NLGN4Y: variants seen among roughly 807,000 people sequenced by gnomAD.
The protein encoded by NLGN4Y is neuroligin-4, Y-linked.
A neutral mutation model predicts 8.4 loss-of-function variants in NLGN4Y; 4 were observed. The observed-to-expected ratio is 0.48, with a 90% CI of 0.23 to 1.09. The LOEUF is 1.09. Ranked by LOEUF, NLGN4Y falls within the 50% of genes least tolerant of loss-of-function variation. NLGN4Y has a pLI of 0.19. For missense variants in NLGN4Y, 90 were observed against 192.3 expected, an observed-to-expected ratio of 0.47 and a Z score of 3.15; for synonymous variants, 35 against 75.6, an observed-to-expected ratio of 0.46 and a Z score of 2.78.
chrY:14,646,684 A>G, intron 2 of NLGN4Y, among the ~76,000 whole-genome samples: 1 of 33,930 alleles, frequency 2.9e-5, no homozygotes, highest in South Asian at 6.6e-4. Flanking sequence ...GAGGTAGACT[A>G]TAGAAGTCTA....
chrY:14,600,258 A>ATGTGTG (rs2080422319), intron 1 of NLGN4Y, among the ~76,000 whole-genome samples: 1 of 31,400 alleles, frequency 3.2e-5, no homozygotes, highest in Admixed American at 3.1e-4. Context: ...ATATAGATAT[A>ATGTGTG]TGTGTGTGTG....
intron 1 of NLGN4Y, among the ~76,000 whole-genome samples, chrY:14,620,275 C>A: frequency 8.9e-5 from 3 of 33,653 alleles, no homozygotes; most frequent in Non-Finnish European, 2.2e-4. Flanking sequence ...AAAAAAGAAG[C>A]AACCAAACAC....
At chrY:14,792,426 T>C in intron 4 of NLGN4Y, among the ~76,000 whole-genome samples, 1 of 32,338 alleles carries the variant, frequency 3.1e-5, no homozygotes, top group Non-Finnish European at 7.5e-5. Flanking sequence ...TTTTATCTAA[T>C]GTCCTTTGTG....
intron 3 of NLGN4Y, among the ~76,000 whole-genome samples, chrY:14,721,167 G>A (rs950249683): frequency 2.4e-4 from 8 of 33,711 alleles, no homozygotes. Context: ...CTTGTTGTAT[G>A]TTTTATGAAA....
intron 1 of NLGN4Y, among the ~76,000 whole-genome samples, chrY:14,597,496 C>T: frequency 3.1e-5 from 1 of 32,771 alleles, no homozygotes; most frequent in South Asian, 7.2e-4. Context: ...ATGTTCTCCA[C>T]GTCCCCATCA....
In NLGN4Y at chrY:14,734,626, G is replaced by A. The variant is rs765669426; in HGVS notation, c.685+11357G>A. ...TACACATGTTTCCTGACTTTGGGGA[G>A]CTTCCTTGCTAACATGGGAAATAAA... On this transcript the variant is annotated intron_variant, in intron 4 of 6. Transcript: ENST00000684976. Among the ~76,000 whole-genome samples the A allele has an allele frequency of 1.0e-3, 34 of 33,511 alleles. No homozygotes were observed. In the South Asian group the frequency reaches 0.023, roughly 23 times the overall value. 89.9% of individuals were successfully genotyped at this position (33,511 alleles called of 37,273 possible).
chrY:14,630,020 T>C (rs2080543413), intron 2 of NLGN4Y, among the ~76,000 whole-genome samples: 1 of 33,723 alleles, frequency 3.0e-5, no homozygotes, highest in Admixed American at 2.7e-4. Flanking sequence ...CCTTCACCTG[T>C]CATTGCTGGA....
At chrY:14,785,490 G>T in intron 4 of NLGN4Y, among the ~76,000 whole-genome samples, 1 of 34,227 alleles carries the variant, frequency 2.9e-5, no homozygotes, top group Non-Finnish European at 7.3e-5. Context: ...TTAAGTCCGG[G>T]CGCGGTGGCT....
intron 3 of NLGN4Y, 51 bp from the exon 4 acceptor site, chrY:14,723,066 G>A (rs1291109971): frequency 2.8e-6 from 1 of 357,980 alleles, no homozygotes; most frequent in African/African-American, 6.7e-5. Context: ...GCATCAGTGA[G>A]TGAGCCAGTA....
At chrY:14,603,095 T>C (rs2080433652) in intron 1 of NLGN4Y, among the ~76,000 whole-genome samples, 1 of 33,203 alleles carries the variant, frequency 3.0e-5, no homozygotes, top group African/African-American at 1.2e-4. Context: ...CTGTACATAT[T>C]TTCTGATGCA....
chrY:14,658,930 C>G (rs959159233), intron 2 of NLGN4Y, among the ~76,000 whole-genome samples: 1 of 33,195 alleles, frequency 3.0e-5, no homozygotes, highest in Non-Finnish European at 7.4e-5. Context: ...GGCCCATTAC[C>G]CCACATGGCA....
At chrY:14,766,233 T>C (rs2081093186) in intron 4 of NLGN4Y, among the ~76,000 whole-genome samples, 2 of 33,659 alleles carry the variant, frequency 5.9e-5, no homozygotes, top group African/African-American at 2.3e-4. Context: ...ACAGCTGTTA[T>C]ATTCTGAAAG....
At chrY:14,671,566 G>A in intron 2 of NLGN4Y, among the ~76,000 whole-genome samples, 1 of 29,011 alleles carries the variant, frequency 3.4e-5, no homozygotes, top group Non-Finnish European at 8.1e-5. Flanking sequence ...AAAGAAAAAC[G>A]CTGGGCATGG....
chrY:14,595,699 C>G (rs2150494419), intron 1 of NLGN4Y, among the ~76,000 whole-genome samples: 1 of 33,102 alleles, frequency 3.0e-5, no homozygotes, highest in Admixed American at 2.7e-4. Context: ...ATCTGAAAGA[C>G]AAAATTACCC....
intron 4 of NLGN4Y, among the ~76,000 whole-genome samples, chrY:14,803,394 AG>A (rs2043045320): frequency 3.4e-5 from 1 of 29,763 alleles, no homozygotes; most frequent in African/African-American, 1.3e-4. Context: ...TGTATAGAAA[AG>A]CACTTAAATT....
At chrY:14,730,808 G>A (rs894029234) in intron 4 of NLGN4Y, among the ~76,000 whole-genome samples, 4 of 32,727 alleles carry the variant, frequency 1.2e-4, no homozygotes, top group African/African-American at 4.8e-4. Context: ...TATAAACTAC[G>A]GTATATATAA....
intron 4 of NLGN4Y, among the ~76,000 whole-genome samples, chrY:14,765,175 C>T (rs2081090507): frequency 3.0e-5 from 1 of 33,443 alleles, no homozygotes; most frequent in Non-Finnish European, 7.4e-5. Context: ...AAAATGACCT[C>T]AGTACTACCT....
At chrY:14,797,722 T>G (rs2043017196) in intron 4 of NLGN4Y, among the ~76,000 whole-genome samples, 2 of 34,183 alleles carry the variant, frequency 5.9e-5, no homozygotes, top group African/African-American at 2.3e-4. Context: ...TGATAATTTC[T>G]GTAGCAGTCC....
At chrY:14,742,992 C>A (rs2081011766) in intron 4 of NLGN4Y, among the ~76,000 whole-genome samples, 1 of 32,279 alleles carries the variant, frequency 3.1e-5, no homozygotes, top group Non-Finnish European at 7.5e-5. Flanking sequence ...AAAGTAGAAA[C>A]TAAAAATAGA....
Sources: allele counts gnomAD v4.1 joint callset (sites outside exome capture counted in the v4.1 genomes callset), GRCh38; gene constraint gnomAD v4.1.1; transcripts MANE v1.5; gene names NCBI Gene and HGNC (gene_info 2026-07-23, HGNC 2026-07-21).